Variants in AP1B1 observed in about 807,000 individuals in gnomAD.
AP1B1 encodes AP-1 complex subunit beta-1.
In AP1B1, 36 loss-of-function variants were observed where a neutral mutation model predicts 104.3. That is an observed-to-expected ratio of 0.35 (90% CI 0.26 to 0.46). The LOEUF (loss-of-function observed/expected upper bound fraction) is 0.46. Ranked by LOEUF, AP1B1 falls within the 20% of genes least tolerant of loss-of-function variation. The pLI is 1.00. For missense variants in AP1B1, 901 were observed against 1,247.9 expected (o/e 0.72, Z 4.19); for synonymous variants, 504 against 517.5 (o/e 0.97, Z 0.35).
At chr22:29,349,933 C>T in intron 10 of AP1B1, 102 bp downstream of exon 10, 2 of 935,512 alleles carry the variant, frequency 2.1e-6, no homozygotes, top group East Asian at 2.4e-5. Context: ...ACGCTTGTGG[C>T]CAAGAAGTAA....
intron 16 of AP1B1, among the ~76,000 whole-genome samples, chr22:29,334,737 C>T (rs1304159348): frequency 6.7e-6 from 1 of 150,242 alleles, no homozygotes; most frequent in East Asian, 1.9e-4. Flanking sequence ...CATGAGCTGG[C>T]AATGGAGGGA....
In AP1B1 at chr22:29,363,247, C is replaced by T. The variant is rs2062078587; in HGVS notation, c.38-141G>A. The T allele has an allele frequency of 5.7e-5, 35 of 609,006 alleles. No homozygotes were observed. The South Asian group carries it at 6.6e-4, about 11-fold the overall frequency. The allele number at this position is 609,006 out of a possible 1,614,324, so 37.7% of individuals were successfully genotyped here. A position where few individuals can be genotyped will look rare whatever the true frequency, so the allele number is the denominator to read the frequency against. On this transcript the variant is annotated intron_variant, in intron 2 of 22. Coordinates refer to ENST00000357586, the MANE Select transcript of AP1B1 (RefSeq NM_001127.4). ...CTGAGGGAAGCTTCAGGCGCCTGGC[C>T]TCAGGTGGGCCAGGCAACAGTGAGG...
intron 7 of AP1B1, among the ~76,000 whole-genome samples, chr22:29,352,337 T>A (rs529133154): frequency 6.6e-6 from 1 of 152,370 alleles, no homozygotes; most frequent in South Asian, 2.1e-4. Context: ...GTACAAAGAA[T>A]ACAGTTTATG....
chr22:29,339,900 C>A (rs2061689189), intron 14 of AP1B1, 126 bp from the exon 15 acceptor site: 4 of 1,054,854 alleles, frequency 3.8e-6, no homozygotes, highest in African/African-American at 3.2e-5. Flanking sequence ...TAGCTCCATC[C>A]GAGAGGAGTG....
rs60770384 is a variant in AP1B1, at chr22:29,328,570, C to T, written c.*251G>A. 2.1e-3 allele frequency: 1,006 copies of T among 478,992 alleles called. 8 individuals are homozygous for T. Among genetic ancestry groups the T allele is most frequent in the African/African-American group, 0.018 (917 of 50,922 alleles). 29.7% of individuals were successfully genotyped at this position (478,992 alleles called of 1,614,324 possible). ...CTGGCTCTGTTTCCTTTGGTCCCCACCTCACTTAACCCCACATCACAGCCA... is the reference window on the plus strand; with the variant it reads ...CTGGCTCTGTTTCCTTTGGTCCCCATCTCACTTAACCCCACATCACAGCCA... On this transcript the variant is annotated 3_prime_UTR_variant, in exon 23 of 23. Coordinates refer to ENST00000357586, the MANE Select transcript of AP1B1 (RefSeq NM_001127.4). This position sits in a 1 kb window ranked among gnomAD's most constrained non-coding sequence, Gnocchi z 4.1.
chr22:29,339,915 G>T, intron 14 of AP1B1, 141 bp from the exon 15 acceptor site: 1 of 951,734 alleles, frequency 1.1e-6, no homozygotes. Context: ...GGAGTGTGGT[G>T]TGAGGTCTGG....
intron 16 of AP1B1, among the ~76,000 whole-genome samples, chr22:29,337,438 G>A (rs1354876897): frequency 1.3e-5 from 2 of 152,188 alleles, no homozygotes; most frequent in South Asian, 2.1e-4. Flanking sequence ...ACCACTGCAG[G>A]TGCAGCTGGC....
Position 29,350,073 on chromosome 22 carries a change from G to A in AP1B1, c.1233C>T (p.Ile411=), listed in dbSNP as rs140314768. 2.0e-4 allele frequency: 326 copies of A among 1,614,170 alleles called. No homozygotes were observed. The highest frequency in any genetic ancestry group is 2.6e-4 in the Non-Finnish European group (304 of 1,180,008). The stretch of plus-strand genomic sequence containing the variant: ...TGCGGAAGATGTCCTTGATGACCAC[G>A]ATGGCCTCCTGGACCACATAGTTGA... ...TKVNYVVQEA[I]VVIKDIFRKY... The change falls in exon 10 of 23, where the codon ATC becomes ATT. Residue 411 remains isoleucine, a synonymous_variant. Coordinates refer to ENST00000357586, the MANE Select transcript of AP1B1 (RefSeq NM_001127.4).
intron 1 of AP1B1, among the ~76,000 whole-genome samples, chr22:29,385,348 T>C (rs1053817920): frequency 9.8e-5 from 15 of 152,330 alleles, no homozygotes; most frequent in African/African-American, 3.4e-4. Context: ...ACAGCTCCAC[T>C]GTACTACAGT....
intron 7 of AP1B1, 95 bp downstream of exon 7, chr22:29,354,555 A>ATGGTGACAGG: frequency 8.3e-7 from 1 of 1,207,416 alleles, no homozygotes; most frequent in Non-Finnish European, 1.2e-6. Context: ...GACTTCCTGC[A>ATGGTGACAGG]TGGTGACAGG....
At chr22:29,339,155 C>T (rs1176343538) in intron 15 of AP1B1, 22 bp from the exon 16 acceptor site, 1 of 1,613,576 alleles carries the variant, frequency 6.2e-7, no homozygotes, top group Middle Eastern at 1.7e-4. Flanking sequence ...GGGAAAGAGT[C>T]AGAGGTGGGC....
chr22:29,354,849 T>G lies in AP1B1; in HGVS notation c.739A>C (p.Arg247=). 6.2e-7 allele frequency: 1 copy of G among 1,614,008 alleles called. No individual in the cohort carries two copies. Among genetic ancestry groups the G allele is most frequent in the Non-Finnish European group, 8.5e-7 (1 of 1,179,998 alleles). ...ACAGCGGAGTTGGCATGGGAGAGCC[T>G]GGGGGTGACCCGCTCACAGATGCTG... is the stretch of plus-strand genomic sequence containing the variant. ...AQSICERVTP[R]LSHANSAVVL... Residue 247 remains arginine (R), a synonymous_variant, in exon 7 of 23, where the codon AGG becomes CGG. Transcript: ENST00000357586.
chr22:29,349,167 G>A (rs748567341), intron 11 of AP1B1, 51 bp downstream of exon 11: 4 of 1,596,806 alleles, frequency 2.5e-6, no homozygotes, highest in Non-Finnish European at 2.6e-6. Context: ...GGGCCACAGT[G>A]GGGCTGAGCT....
chr22:29,364,286 A>G (rs1162826679), intron 2 of AP1B1, among the ~76,000 whole-genome samples: 2 of 152,234 alleles, frequency 1.3e-5, no homozygotes, highest in Non-Finnish European at 2.9e-5. Context: ...GCATGAAATC[A>G]ATTGTTCTGA....
intron 11 of AP1B1, 122 bp from the exon 12 acceptor site, chr22:29,342,505 AG>A: frequency 1.3e-6 from 1 of 782,846 alleles, no homozygotes; most frequent in Non-Finnish European, 2.1e-6. Context: ...TAGCTATTCT[AG>A]GTTTGGGGCT....
In AP1B1 at chr22:29,328,534, C is replaced by A. The variant is rs1272438258; in HGVS notation, c.*287G>T. The A allele has an allele frequency of 1.5e-5, 6 of 388,578 alleles. No individual in the cohort carries two copies. Among genetic ancestry groups the A allele is most frequent in the East Asian group, 1.5e-4 (3 of 20,632 alleles). The allele number at this position is 388,578 out of a possible 1,614,324, so 24.1% of individuals were successfully genotyped here. On this transcript the variant is annotated 3_prime_UTR_variant, in exon 23 of 23. Coordinates refer to ENST00000357586, the MANE Select transcript of AP1B1 (RefSeq NM_001127.4). The surrounding 1 kb of genome is among the most constrained non-coding windows in gnomAD (Gnocchi z 4.1). ...CACACTCACCCTTCAGGCACAGCTTCTGTGGCTGCTCTGGCTCTGTTTCCT... is the reference window on the plus strand; with the variant it reads ...CACACTCACCCTTCAGGCACAGCTTATGTGGCTGCTCTGGCTCTGTTTCCT...
At chr22:29,329,807 G>T in intron 21 of AP1B1, 87 bp from the exon 22 acceptor site, 2 of 1,590,058 alleles carry the variant, frequency 1.3e-6, no homozygotes, top group Non-Finnish European at 1.7e-6. Context: ...CCACGCCACA[G>T]CCCCCCACCG....
At chr22:29,332,381 C>G (rs972784101) in intron 17 of AP1B1, 3 of 154,016 alleles carry the variant, frequency 1.9e-5, no homozygotes, top group African/African-American at 7.2e-5. Context: ...AGATTTTACT[C>G]TCTTGGCCAG....
At chr22:29,381,576 A>G (rs1485901857) in intron 1 of AP1B1, among the ~76,000 whole-genome samples, 1 of 152,226 alleles carries the variant, frequency 6.6e-6, no homozygotes, top group African/African-American at 2.4e-5. Context: ...CTGATTGTCA[A>G]GCTATTCTAA....
Sources: allele counts gnomAD v4.1 joint callset (sites outside exome capture counted in the v4.1 genomes callset), GRCh38; gene constraint gnomAD v4.1.1; non-coding constraint Gnocchi (gnomAD v3.1); transcripts MANE v1.5; gene names NCBI Gene and HGNC (gene_info 2026-07-23, HGNC 2026-07-21).